NEDD4L: variants seen among roughly 807,000 people sequenced by gnomAD.
NEDD4L encodes the protein E3 ubiquitin-protein ligase NEDD4-like.
In NEDD4L, 54 loss-of-function variants were observed where a neutral mutation model predicts 148.9. The ratio of observed to expected loss-of-function variants is 0.36; its 90% CI spans 0.29 to 0.45. NEDD4L has a LOEUF of 0.45. NEDD4L is among the 20% of genes least tolerant of loss of function. NEDD4L has a pLI of 1.00. For synonymous variants in NEDD4L, 433 were observed against 440.7 expected (o/e 0.98, Z 0.22); for missense variants, 856 against 1,233.8 (o/e 0.69, Z 4.59).
chr18:58,158,004 C>G (rs948424730), intron 1 of NEDD4L, among the ~76,000 whole-genome samples: 1 of 152,210 alleles, frequency 6.6e-6, no homozygotes, highest in Admixed American at 6.5e-5. Context: ...TCAAAAGTGG[C>G]TTAACTGGGT....
At chr18:58,202,492 A>G (rs77158811) in intron 2 of NEDD4L, among the ~76,000 whole-genome samples, 3,827 of 152,356 alleles carry the variant, frequency 0.025, 174 homozygotes, top group African/African-American at 0.088. Context: ...TGACTCATGC[A>G]GTCAGGTTGG....
intron 1 of NEDD4L, among the ~76,000 whole-genome samples, chr18:58,075,764 C>CA (rs1253202527): frequency 2.0e-5 from 3 of 151,984 alleles, no homozygotes; most frequent in Non-Finnish European, 4.4e-5. Context: ...CCCATCCCTA[C>CA]AAAATTTTTT....
At chr18:58,391,437 ATTC>A (rs1393243330) in intron 29 of NEDD4L, 47 bp from the exon 30 acceptor site, 8 of 1,452,034 alleles carry the variant, frequency 5.5e-6, no homozygotes, top group South Asian at 3.7e-5. Flanking sequence ...CCATAGCTTC[ATTC>A]TTCTGCCCCA....
intron 1 of NEDD4L, among the ~76,000 whole-genome samples, chr18:58,159,935 C>T (rs985292781): frequency 1.3e-5 from 2 of 152,186 alleles, no homozygotes; most frequent in Non-Finnish European, 2.9e-5. Context: ...AGCTGGTGTA[C>T]GTGATCCTGG....
At chr18:58,145,173 C>T (rs113742795) in intron 1 of NEDD4L, among the ~76,000 whole-genome samples, 6 of 152,304 alleles carry the variant, frequency 3.9e-5, no homozygotes, top group African/African-American at 1.4e-4. Context: ...ACCAGGGCCC[C>T]CTCTCATCAG....
chr18:58,255,916 G>C (rs1600300649), intron 5 of NEDD4L: 1 of 1,231,956 alleles, frequency 8.1e-7, no homozygotes. Context: ...CCTCCGTGCA[G>C]ATCTCCCTGC....
chr18:58,347,991 A>T (rs1446445392), intron 16 of NEDD4L, among the ~76,000 whole-genome samples: 2 of 151,044 alleles, frequency 1.3e-5, no homozygotes, highest in East Asian at 3.9e-4. Context: ...AAAGATATGG[A>T]TTCTCCTTTT....
intron 12 of NEDD4L, 100 bp from the exon 13 acceptor site, chr18:58,335,378 G>C (rs573628596): frequency 6.3e-6 from 6 of 950,970 alleles, no homozygotes; most frequent in Admixed American, 1.8e-5. Context: ...CTGATCTCAC[G>C]TCACCTGCCT....
intron 5 of NEDD4L, among the ~76,000 whole-genome samples, chr18:58,281,227 C>T (rs1054686681): frequency 2.6e-5 from 4 of 152,172 alleles, no homozygotes; most frequent in African/African-American, 9.7e-5. Flanking sequence ...ATCATCCTGC[C>T]CTGGCCTCCC....
chr18:58,190,514 G>A (rs1489777875), intron 2 of NEDD4L, among the ~76,000 whole-genome samples: 1 of 152,156 alleles, frequency 6.6e-6, no homozygotes, highest in Admixed American at 6.5e-5. Context: ...ACATAATACA[G>A]AAATATAGAT....
intron 1 of NEDD4L, among the ~76,000 whole-genome samples, chr18:58,079,438 C>G (rs1269259983): frequency 1.3e-5 from 2 of 152,182 alleles, no homozygotes; most frequent in African/African-American, 4.8e-5. Flanking sequence ...CCCCTGAGAT[C>G]TTAAAAACTC....
chr18:58,047,088 C>T (rs1394430306), intron 1 of NEDD4L: 1 of 187,048 alleles, frequency 5.3e-6, no homozygotes, highest in Admixed American at 6.5e-5. Context: ...GTAAGAAAAA[C>T]CAATGGAAGA....
chr18:58,321,038 A>C (rs990089013), intron 6 of NEDD4L, among the ~76,000 whole-genome samples: 38 of 152,336 alleles, frequency 2.5e-4, no homozygotes, highest in African/African-American at 8.9e-4. Context: ...AGTTTACTAC[A>C]GATCAGATGA....
intron 5 of NEDD4L, chr18:58,255,969 C>A: frequency 1.6e-6 from 2 of 1,230,820 alleles, no homozygotes; most frequent in Non-Finnish European, 2.0e-6. Context: ...TGCGGGCCGC[C>A]CGAGGGCGCC....
rs148019301 is a variant in NEDD4L at position 58,221,655 on chromosome 18, G to A, written c.123-23772G>A. On this transcript the variant is annotated intron_variant, in intron 2 of 30. Coordinates refer to ENST00000400345, the MANE Select transcript of NEDD4L (RefSeq NM_001144967.3). ...CTTTAAAACTGGGAAGGAGGAAGAC[G>A]AGGCCAGGGAGCCGGAGGGTCACCA... 231 of 985,442 alleles carry A rather than the reference G, an allele frequency of 2.3e-4. No homozygotes were observed. The African/African-American group carries it at 3.4e-3, about 15-fold the overall frequency. The allele number at this position is 985,442 out of a possible 1,614,324, so 61.0% of individuals were successfully genotyped here. A position where few individuals can be genotyped will look rare whatever the true frequency, so the allele number is the denominator to read the frequency against.
chr18:58,375,317 T>C (rs2047420947), intron 24 of NEDD4L, among the ~76,000 whole-genome samples: 1 of 152,044 alleles, frequency 6.6e-6, no homozygotes, highest in Non-Finnish European at 1.5e-5. Flanking sequence ...TGTTCTCTAG[T>C]GCCTACCCTG....
chr18:58,218,780 A>G (rs1568411591), intron 2 of NEDD4L, among the ~76,000 whole-genome samples: 4 of 152,332 alleles, frequency 2.6e-5, no homozygotes, highest in Admixed American at 1.3e-4. Context: ...GCCATCTTCC[A>G]TGGATTATCC....
intron 5 of NEDD4L, among the ~76,000 whole-genome samples, chr18:58,259,582 A>G (rs1006127041): frequency 6.6e-6 from 1 of 152,176 alleles, no homozygotes; most frequent in Non-Finnish European, 1.5e-5. Context: ...AAGCTTGAGG[A>G]GCCAGTTTTC....
intron 2 of NEDD4L, among the ~76,000 whole-genome samples, chr18:58,202,544 C>T (rs546229766): frequency 2.6e-5 from 4 of 152,360 alleles, no homozygotes; most frequent in African/African-American, 7.2e-5. Flanking sequence ...GAGCATGCAA[C>T]AGCGGTTTGC....
Sources: allele counts gnomAD v4.1 joint callset (sites outside exome capture counted in the v4.1 genomes callset), GRCh38; gene constraint gnomAD v4.1.1; transcripts MANE v1.5; gene names NCBI Gene and HGNC (gene_info 2026-07-23, HGNC 2026-07-21).